ZFP90: variants seen among roughly 807,000 people sequenced by gnomAD.
The protein encoded by ZFP90 is zinc finger protein 90 homolog.
Under a neutral mutation model 60.8 loss-of-function variants are expected in ZFP90, and 38 were observed. That is an observed-to-expected ratio of 0.62 (90% CI 0.48 to 0.82). ZFP90 has a LOEUF of 0.82. ZFP90 is among the 40% of genes least tolerant of loss of function. ZFP90 has a pLI of 0.00. For missense variants in ZFP90, 711 were observed against 759.1 expected (o/e 0.94, Z 0.74); for synonymous variants, 287 against 264.8 (o/e 1.08, Z -0.82).
At chr16:68,576,352 A>G (rs993740197), downstream of ZFP90, among the ~76,000 whole-genome samples, 2 of 152,234 alleles carry the variant, frequency 1.3e-5, no homozygotes, top group African/African-American at 2.4e-5. Flanking sequence ...ATTGTTTAAC[A>G]TCATTGCTAC....
Position 68,563,862 on chromosome 16 carries a change from A to G in ZFP90, c.1075A>G (p.Thr359Ala). ...CACATCCCTCACTCAACACGAGGTC[A>G]CACACAGTGGAGAGAAGCCCTTCCA... ...HGTSLTQHEV[T>A]HSGEKPFQCK... is the part of the protein sequence containing the mutation. The change falls in exon 5 of 5, where the codon ACA becomes GCA. Residue 359 changes from threonine (T) to alanine (A), a missense_variant. By Grantham distance (58) the Thr-to-Ala change is moderately conservative. Transcript: ENST00000563169. The G allele has an allele frequency of 1.2e-6, 2 of 1,614,114 alleles. No homozygotes were observed. The highest frequency in any genetic ancestry group is 1.7e-6 in the Non-Finnish European group (2 of 1,180,010).
In ZFP90 at chr16:68,551,415, C is replaced by CTTTTT. The variant is rs10538200; in HGVS notation, c.34-6564_34-6560dup. On this transcript the variant is annotated intron_variant, in intron 2 of 4. Coordinates refer to ENST00000563169, the MANE Select transcript of ZFP90 (RefSeq NM_001305203.2). The stretch of plus-strand genomic sequence containing the variant: ...GCATAAGGAAAGGGAACATGTGATC[C>CTTTTT]TTTTTTTTTTTTTTTTTTTTTTTGG... Among the ~76,000 whole-genome samples, 17 of 123,024 alleles carry CTTTTT rather than the reference C, an allele frequency of 1.4e-4. 7 individuals are homozygous for CTTTTT. The highest frequency in any genetic ancestry group is 1.3e-4 in the African/African-American group (4 of 31,684). The allele number at this position is 123,024 out of a possible 152,430, so 80.7% of individuals were successfully genotyped here.
intron 2 of ZFP90, among the ~76,000 whole-genome samples, chr16:68,555,668 G>T (rs546502524): frequency 6.6e-6 from 1 of 152,174 alleles, no homozygotes; most frequent in African/African-American, 2.4e-5. Context: ...AGATGAGTAG[G>T]TTTGTTTGAA....
At chr16:68,575,844 A>C (rs2091591749) in exon 3 of ZFP90, 1 of 398,306 alleles carries the variant, frequency 2.5e-6, no homozygotes, top group Admixed American at 4.4e-5. Context: ...GGGCGAAAGA[A>C]GACAGAAACT....
At chr16:68,557,788 A>T (rs992777848) in intron 2 of ZFP90, among the ~76,000 whole-genome samples, 4 of 149,286 alleles carry the variant, frequency 2.7e-5, no homozygotes, top group African/African-American at 9.9e-5. Context: ...ACAGGTCTGC[A>T]GGACAAATTG....
chr16:68,547,086 G>T (rs368914085), intron 2 of ZFP90, among the ~76,000 whole-genome samples: 1 of 152,150 alleles, frequency 6.6e-6, no homozygotes, highest in African/African-American at 2.4e-5. Flanking sequence ...GAACGTGGGG[G>T]TACAGATATC....
upstream of ZFP90, among the ~76,000 whole-genome samples, chr16:68,536,591 C>T (rs187149925): frequency 1.5e-3 from 234 of 152,190 alleles, no homozygotes; most frequent in South Asian, 1.9e-3. Context: ...GGCCACTGTG[C>T]CTGGGTACGG....
chr16:68,565,545 C>T lies in ZFP90; in HGVS notation c.*847C>T, dbSNP rs568155536. The T allele has an allele frequency of 3.0e-6, 3 of 985,542 alleles. No homozygotes were observed. Among genetic ancestry groups the T allele is most frequent in the South Asian group, 9.4e-5 (2 of 21,290 alleles). 61.0% of individuals were successfully genotyped at this position (985,542 alleles called of 1,614,324 possible). A position where few individuals can be genotyped will look rare whatever the true frequency, so the allele number is the denominator to read the frequency against. ...GTTGAACTACTAGTGACTTTTTTCC[C>T]CTTTTCCCAGTTACAATTATACTTT... is the stretch of plus-strand genomic sequence containing the variant. On this transcript the variant is annotated 3_prime_UTR_variant, in exon 5 of 5. Coordinates refer to ENST00000563169, the MANE Select transcript of ZFP90 (RefSeq NM_001305203.2).
upstream of ZFP90, among the ~76,000 whole-genome samples, chr16:68,536,788 T>C (rs1422361727): frequency 6.6e-6 from 1 of 152,182 alleles, no homozygotes; most frequent in East Asian, 1.9e-4. Context: ...CCTCAACTCT[T>C]GAGACCTGGT....
At chr16:68,542,098 T>C (rs1567394195) in intron 2 of ZFP90, among the ~76,000 whole-genome samples, 3 of 152,138 alleles carry the variant, frequency 2.0e-5, no homozygotes, top group Non-Finnish European at 4.4e-5. Context: ...CTCAGGGGAA[T>C]GCAAAGATTA....
intron 2 of ZFP90, among the ~76,000 whole-genome samples, chr16:68,545,896 C>T (rs1382710630): frequency 6.6e-6 from 1 of 152,098 alleles, no homozygotes; most frequent in East Asian, 1.9e-4. Context: ...ATCTTATGGC[C>T]GGGTACAGTG....
At chr16:68,552,814 G>A (rs1304396395) in intron 2 of ZFP90, among the ~76,000 whole-genome samples, 2 of 152,144 alleles carry the variant, frequency 1.3e-5, no homozygotes, top group Non-Finnish European at 2.9e-5. Context: ...CCAGCACTTT[G>A]AGAGGCTGAC....
Position 68,563,415 on chromosome 16 carries a change from C to T in ZFP90, c.628C>T (p.Pro210Ser). Residue 210 changes from proline to serine, a missense_variant, in exon 5 of 5, where the codon CCC becomes TCC. Physicochemically the swap from Pro to Ser is moderately conservative, Grantham distance 74. Coordinates refer to ENST00000563169, the MANE Select transcript of ZFP90 (RefSeq NM_001305203.2). ...NENNILAKKK[P>S]YKCDKCRKAF... ...GAATAATATTCTTGCAAAAAAGAAA[C>T]CCTATAAGTGTGATAAATGTAGAAA... 6.2e-7 allele frequency: 1 copy of T among 1,612,730 alleles called. No individual in the cohort carries two copies. Among genetic ancestry groups the T allele is most frequent in the Non-Finnish European group, 8.5e-7 (1 of 1,179,728 alleles).
chr16:68,534,520 G>T (rs1385623552), upstream of ZFP90, among the ~76,000 whole-genome samples: 2 of 151,000 alleles, frequency 1.3e-5, no homozygotes, highest in Non-Finnish European at 2.9e-5. Context: ...GAGCCACTGC[G>T]CCCGGCCATT....
At chr16:68,547,638 G>A (rs1002771618) in intron 2 of ZFP90, among the ~76,000 whole-genome samples, 6 of 145,734 alleles carry the variant, frequency 4.1e-5, no homozygotes, top group Admixed American at 1.4e-4. Flanking sequence ...TAAATTTTAT[G>A]AGGATTATTT....
intron 2 of ZFP90, among the ~76,000 whole-genome samples, chr16:68,548,358 A>G (rs1017709863): frequency 9.2e-5 from 14 of 151,922 alleles, no homozygotes; most frequent in South Asian, 4.2e-4. Context: ...CTCAATTATA[A>G]AGGTTTCTGC....
At chr16:68,542,614 A>G (rs1306691999) in intron 2 of ZFP90, among the ~76,000 whole-genome samples, 1 of 152,046 alleles carries the variant, frequency 6.6e-6, no homozygotes, top group Non-Finnish European at 1.5e-5. Context: ...CCAAAAAACA[A>G]AAGGGAGAGG....
At chr16:68,553,746 G>A (rs116788755) in intron 2 of ZFP90, among the ~76,000 whole-genome samples, 1 of 152,144 alleles carries the variant, frequency 6.6e-6, no homozygotes, top group African/African-American at 2.4e-5. Context: ...AGCCCTCCAA[G>A]TAGCTAGGAC....
intron 4 of ZFP90, 109 bp downstream of exon 4, chr16:68,558,677 G>A: frequency 2.1e-6 from 2 of 940,374 alleles, no homozygotes; most frequent in East Asian, 2.5e-5. Flanking sequence ...ATCTGCATAG[G>A]AGGCTGAAGC....
Sources: allele counts gnomAD v4.1 joint callset (sites outside exome capture counted in the v4.1 genomes callset), GRCh38; gene constraint gnomAD v4.1.1; transcripts MANE v1.5; gene names NCBI Gene and HGNC (gene_info 2026-07-23, HGNC 2026-07-21).